Variants in PTPRT observed in about 807,000 individuals in gnomAD.
The protein encoded by PTPRT is protein tyrosine phosphatase receptor type T, also known as receptor-type tyrosine-protein phosphatase T.
Under a neutral mutation model 176.8 loss-of-function variants are expected in PTPRT, and 56 were observed. The ratio of observed to expected loss-of-function variants is 0.32; its 90% CI spans 0.26 to 0.40. PTPRT has a LOEUF of 0.40. Ranked by LOEUF, PTPRT falls within the 10% of genes least tolerant of loss-of-function variation. The pLI, the probability that PTPRT is intolerant of heterozygous loss-of-function variation, is 1.00. For missense variants in PTPRT, 1,540 were observed against 1,908.2 expected (o/e 0.81, Z 3.60); for synonymous variants, 783 against 739.0 (o/e 1.06, Z -0.96).
At chr20:42,814,726 CATTCATAAGA>C (rs2077754462) in intron 2 of PTPRT, among the ~76,000 whole-genome samples, 1 of 152,134 alleles carries the variant, frequency 6.6e-6, no homozygotes. Context: ...GCAAGCATGT[CATTCATAAGA>C]ATTCTCCTTG....
chr20:42,236,798 T>C (rs2056252561), intron 14 of PTPRT, among the ~76,000 whole-genome samples: 2 of 152,094 alleles, frequency 1.3e-5, no homozygotes, highest in African/African-American at 4.8e-5. Context: ...GGAAATCATA[T>C]AGCCAGTACC....
intron 1 of PTPRT, among the ~76,000 whole-genome samples, chr20:42,904,573 T>C (rs1261986791): frequency 1.3e-5 from 2 of 152,198 alleles, no homozygotes; most frequent in Non-Finnish European, 2.9e-5. Context: ...AAGGTCTTGA[T>C]ACGGGAAGGG....
chr20:42,566,291 A>T lies in PTPRT; in HGVS notation c.1154-93729T>A, dbSNP rs374334805. ...GCTGGGATTACGTGTGTGCAGCACCATGCCCAGCTAATTTTTGTATTTTTC... is the reference window on the plus strand; with the variant it reads ...GCTGGGATTACGTGTGTGCAGCACCTTGCCCAGCTAATTTTTGTATTTTTC... On this transcript the variant is annotated intron_variant, in intron 7 of 30. Coordinates refer to ENST00000373187, the MANE Select transcript of PTPRT (RefSeq NM_007050.6). Among the ~76,000 whole-genome samples, 467 of 152,108 alleles carry T rather than the reference A, an allele frequency of 3.1e-3. 19 individuals are homozygous for T. The South Asian group carries it at 0.092, about 30-fold the overall frequency.
intron 7 of PTPRT, among the ~76,000 whole-genome samples, chr20:42,547,282 C>T (rs915147141): frequency 6.6e-6 from 1 of 152,084 alleles, no homozygotes; most frequent in Admixed American, 6.6e-5. Context: ...AACTTGCTAA[C>T]ATGGACACCA....
intron 7 of PTPRT, among the ~76,000 whole-genome samples, chr20:42,637,042 C>T (rs949423797): frequency 3.3e-5 from 5 of 152,036 alleles, no homozygotes; most frequent in Non-Finnish European, 5.9e-5. Flanking sequence ...CAGCCATAGT[C>T]GAGGTCTCCA....
intron 24 of PTPRT, among the ~76,000 whole-genome samples, chr20:42,106,460 C>A (rs1391804256): frequency 6.6e-6 from 1 of 152,216 alleles, no homozygotes; most frequent in Non-Finnish European, 1.5e-5. Flanking sequence ...CCTTCTCTAT[C>A]ACTTCACCCA....
chr20:42,487,139 C>T (rs1173899114), intron 7 of PTPRT, among the ~76,000 whole-genome samples: 1 of 152,136 alleles, frequency 6.6e-6, no homozygotes, highest in Non-Finnish European at 1.5e-5. Flanking sequence ...TCTGCTAAAG[C>T]CATAAGATTT....
chr20:42,628,348 C>T (rs963091019), intron 7 of PTPRT, among the ~76,000 whole-genome samples: 2 of 152,086 alleles, frequency 1.3e-5, no homozygotes, highest in African/African-American at 4.8e-5. Context: ...ACCTGTATAG[C>T]GCTATTGCTC....
At chr20:42,061,239 C>A in the PTPRT span, among the ~76,000 whole-genome samples, 4 of 152,176 alleles carry the variant, frequency 2.6e-5, no homozygotes, top group African/African-American at 7.2e-5. Context: ...TGTCCTTCAT[C>A]TTGTGAAGCA....
At chr20:42,037,692 C>T in the PTPRT span, among the ~76,000 whole-genome samples, 3 of 152,202 alleles carry the variant, frequency 2.0e-5, no homozygotes, top group Admixed American at 2.0e-4. Flanking sequence ...CCATCCTCAC[C>T]TGTGAAATGT....
At position 42,668,730 on chromosome 20, in the gene PTPRT, C is replaced by T. The variant is rs1021459165; in HGVS notation, c.1153+9136G>A. Among the ~76,000 whole-genome samples the T allele has an allele frequency of 2.0e-5, 3 of 150,732 alleles. No individual in the cohort carries two copies. In the South Asian group the frequency reaches 6.3e-4, roughly 32 times the overall value. On this transcript the variant is annotated intron_variant, in intron 7 of 30. Coordinates refer to ENST00000373187, the MANE Select transcript of PTPRT (RefSeq NM_007050.6). ...TTTTTAAGGCGGAGTCTCGCTCTGT[C>T]GTCCAGGCTGGAGTACAGTGGCACA...
At chr20:42,063,906 T>C in the PTPRT span, 2 of 152,066 alleles carry the variant, frequency 1.3e-5, no homozygotes, top group African/African-American at 4.8e-5. Context: ...ATTAAGCAAA[T>C]GAATAATATG....
At chr20:42,099,581 A>T (rs539535217) in intron 26 of PTPRT, among the ~76,000 whole-genome samples, 45 of 125,832 alleles carry the variant, frequency 3.6e-4, no homozygotes, top group African/African-American at 1.3e-3. Context: ...TGGCAGCTTC[A>T]TCCAGGGCCC....
At chr20:42,593,840 G>T (rs6102919) in intron 7 of PTPRT, among the ~76,000 whole-genome samples, 8,067 of 152,152 alleles carry the variant, frequency 0.053, 726 homozygotes, top group African/African-American at 0.18. Context: ...GAATAAATAG[G>T]TAAATAGCCC....
chr20:42,565,826 T>C (rs1037980977), intron 7 of PTPRT, among the ~76,000 whole-genome samples: 1 of 151,940 alleles, frequency 6.6e-6, no homozygotes, highest in African/African-American at 2.4e-5. Flanking sequence ...CCCAGCTGGG[T>C]CCTGTAACCT....
chr20:42,449,612 GAA>G (rs750571260), intron 8 of PTPRT, among the ~76,000 whole-genome samples: 4 of 152,304 alleles, frequency 2.6e-5, no homozygotes, highest in Non-Finnish European at 4.4e-5. Context: ...CTGAGGCTGA[GAA>G]AATGGAATAA....
At chr20:43,094,627 A>AC (rs1568781630) in intron 1 of PTPRT, among the ~76,000 whole-genome samples, 1 of 145,822 alleles carries the variant, frequency 6.9e-6, no homozygotes, top group African/African-American at 2.6e-5. Flanking sequence ...CAAACTCCCA[A>AC]CCTCAAGTAT....
intron 6 of PTPRT, among the ~76,000 whole-genome samples, chr20:42,689,249 A>G (rs2146111572): frequency 6.6e-6 from 1 of 152,334 alleles, no homozygotes; most frequent in Non-Finnish European, 1.5e-5. Context: ...CCAGCAGACC[A>G]GTGACAATGG....
At chr20:42,683,733 G>A (rs1383997532) in intron 6 of PTPRT, among the ~76,000 whole-genome samples, 1 of 152,178 alleles carries the variant, frequency 6.6e-6, no homozygotes, top group Non-Finnish European at 1.5e-5. Flanking sequence ...ATACAATAAT[G>A]GACTGAGGAT....
Sources: allele counts gnomAD v4.1 joint callset (sites outside exome capture counted in the v4.1 genomes callset), GRCh38; gene constraint gnomAD v4.1.1; transcripts MANE v1.5; gene names NCBI Gene and HGNC (gene_info 2026-07-23, HGNC 2026-07-21).